Variants in SRPK2 observed in about 807,000 individuals in gnomAD.
SRPK2 encodes the protein SFRS protein kinase 2.
SRPK2 carries 21 observed loss-of-function variants against 90.8 expected under a neutral mutation model. The observed-to-expected ratio is 0.23, with a 90% confidence interval of 0.16 to 0.33. The LOEUF is 0.33. Ranked by LOEUF, SRPK2 falls within the 10% of genes least tolerant of loss-of-function variation. The pLI, the probability that SRPK2 is intolerant of heterozygous loss-of-function variation, is 1.00. For synonymous variants in SRPK2, 288 were observed against 311.1 expected (o/e 0.93, Z 0.78); for missense variants, 620 against 869.0 (o/e 0.71, Z 3.60).
At chr7:105,298,789 C>G (rs966691501) in intron 2 of SRPK2, 1 of 985,430 alleles carries the variant, frequency 1.0e-6, no homozygotes, top group Admixed American at 6.1e-5. Flanking sequence ...CAGAGCCCAC[C>G]TCCCGCTGTA....
intron 15 of SRPK2, among the ~76,000 whole-genome samples, chr7:105,122,798 C>T (rs1419787446): frequency 2.0e-5 from 3 of 152,006 alleles, no homozygotes; most frequent in African/African-American, 2.4e-5. Context: ...CTGACACACA[C>T]ACATACACAC....
chr7:105,299,241 A>G (rs1375961901), intron 2 of SRPK2, among the ~76,000 whole-genome samples: 1 of 152,218 alleles, frequency 6.6e-6, no homozygotes, highest in Non-Finnish European at 1.5e-5. Context: ...TAAACCTGCA[A>G]AGCTCTATCA....
intron 7 of SRPK2, among the ~76,000 whole-genome samples, chr7:105,156,345 A>G (rs1806479772): frequency 6.6e-6 from 1 of 152,100 alleles, no homozygotes; most frequent in Admixed American, 6.6e-5. Flanking sequence ...AAGTAATAAT[A>G]CCCATTTCAC....
At chr7:105,200,310 C>CA (rs1563073371) in intron 3 of SRPK2, among the ~76,000 whole-genome samples, 1 of 151,716 alleles carries the variant, frequency 6.6e-6, no homozygotes, top group Non-Finnish European at 1.5e-5. Flanking sequence ...CAAAACAAAA[C>CA]AAAAAAATAA....
intron 2 of SRPK2, among the ~76,000 whole-genome samples, chr7:105,268,303 C>T (rs548551101): frequency 4.3e-4 from 65 of 152,276 alleles, no homozygotes; most frequent in Admixed American, 3.6e-3. Flanking sequence ...CAGAATGTGA[C>T]TAATCTGTGG....
chr7:105,399,107 A>C (rs1822401870), intron 1 of SRPK2: 1 of 152,176 alleles, frequency 6.6e-6, no homozygotes, highest in Non-Finnish European at 1.5e-5. Flanking sequence ...TGTATAACAA[A>C]TTTCTCCCAA....
intron 2 of SRPK2, among the ~76,000 whole-genome samples, chr7:105,381,887 G>C (rs536072621): frequency 7.9e-5 from 12 of 152,306 alleles, no homozygotes; most frequent in African/African-American, 2.9e-4. Context: ...GTCTCACCAA[G>C]CTGGGCACGG....
At chr7:105,120,651 T>A (rs1420120624) in intron 15 of SRPK2, among the ~76,000 whole-genome samples, 2 of 149,200 alleles carry the variant, frequency 1.3e-5, no homozygotes, top group Admixed American at 6.6e-5. Context: ...CTGAACCGCC[T>A]CTAAAAAAAA....
At chr7:105,166,459 A>G (rs1381868534) in intron 6 of SRPK2, among the ~76,000 whole-genome samples, 1 of 152,248 alleles carries the variant, frequency 6.6e-6, no homozygotes, top group Non-Finnish European at 1.5e-5. Context: ...TCACAATGAC[A>G]CAGAAGTAAA....
At chr7:105,343,710 G>A (rs1348561206) in intron 2 of SRPK2, among the ~76,000 whole-genome samples, 1 of 152,078 alleles carries the variant, frequency 6.6e-6, no homozygotes. Flanking sequence ...TGAATTATAA[G>A]TCCCCATTTT....
At chr7:105,336,042 C>G (rs532735315) in intron 2 of SRPK2, among the ~76,000 whole-genome samples, 1 of 151,628 alleles carries the variant, frequency 6.6e-6, no homozygotes, top group South Asian at 2.1e-4. Context: ...GCCAAAAGCA[C>G]AAAATGTTTA....
chr7:105,309,005 T>A (rs1811428211), intron 2 of SRPK2, among the ~76,000 whole-genome samples: 1 of 152,054 alleles, frequency 6.6e-6, no homozygotes, highest in Admixed American at 6.6e-5. Flanking sequence ...ATGGCCCCAG[T>A]CCTTTGCTTC....
intron 2 of SRPK2, among the ~76,000 whole-genome samples, chr7:105,259,982 A>G (rs566091536): frequency 6.6e-6 from 1 of 152,338 alleles, no homozygotes; most frequent in African/African-American, 2.4e-5. Flanking sequence ...ATGGGCAAAG[A>G]CTTCACGACT....
At chr7:105,387,327 A>G (rs1016281496) in intron 2 of SRPK2, among the ~76,000 whole-genome samples, 8 of 152,224 alleles carry the variant, frequency 5.3e-5, no homozygotes, top group African/African-American at 1.9e-4. Context: ...GGTTCACCAA[A>G]GGAAATCTCA....
At chr7:105,187,085 T>C (rs1004677995) in intron 3 of SRPK2, among the ~76,000 whole-genome samples, 5 of 152,136 alleles carry the variant, frequency 3.3e-5, no homozygotes, top group Non-Finnish European at 4.4e-5. Context: ...ATACATAAAA[T>C]CATGAACAAA....
chr7:105,265,547 C>A (rs534022261), intron 2 of SRPK2, among the ~76,000 whole-genome samples: 4 of 152,114 alleles, frequency 2.6e-5, no homozygotes, highest in East Asian at 1.9e-4. Context: ...CTCTCCCCCA[C>A]GCACATTACC....
intron 2 of SRPK2, among the ~76,000 whole-genome samples, chr7:105,266,769 G>A (rs761091482): frequency 9.2e-5 from 14 of 152,062 alleles, no homozygotes; most frequent in Non-Finnish European, 1.6e-4. Context: ...ACAGGATATA[G>A]TGTTACAAGC....
intron 2 of SRPK2, among the ~76,000 whole-genome samples, chr7:105,331,329 A>AAAAAAAAAAAAC (rs1814351080): frequency 6.9e-6 from 1 of 145,352 alleles, no homozygotes; most frequent in Non-Finnish European, 1.5e-5. Context: ...AAAAAAAAAA[A>AAAAAAAAAAAAC]AAAAAAAACA....
At chr7:105,205,928 A>AC (rs1796175746) in intron 2 of SRPK2, 6 of 484,576 alleles carry the variant, frequency 1.2e-5, no homozygotes, top group Non-Finnish European at 1.6e-5. Flanking sequence ...ATTCTCTGAA[A>AC]ACACACACAC....
Sources: gnomAD v4.1 joint callset for allele counts (sites outside exome capture counted in the v4.1 genomes callset) on GRCh38, gnomAD v4.1.1 for gene constraint, MANE v1.5 for transcripts, NCBI Gene and HGNC (gene_info 2026-07-23, HGNC 2026-07-21) for gene names.